MARCHF1: variants seen among roughly 807,000 people sequenced by gnomAD.
MARCHF1 encodes the protein membrane associated ring-CH-type finger 1, also known as E3 ubiquitin-protein ligase MARCHF1.
Under a neutral mutation model 54.2 loss-of-function variants are expected in MARCHF1, and 40 were observed. The observed-to-expected ratio is 0.74, with a 90% CI of 0.57 to 0.96. The LOEUF (loss-of-function observed/expected upper bound fraction) is 0.96, where lower values mean the gene tolerates loss of function less well. MARCHF1 is among the 40% of genes least tolerant of loss of function. The pLI is 0.00. For synonymous variants in MARCHF1, 236 were observed against 236.3 expected, an observed-to-expected ratio of 1.00 and a Z score of 0.01; for missense variants, 586 against 656.5, an observed-to-expected ratio of 0.89 and a Z score of 1.17.
At chr4:163,856,867 C>T (rs1749779895) in intron 3 of MARCHF1, among the ~76,000 whole-genome samples, 1 of 151,806 alleles carries the variant, frequency 6.6e-6, no homozygotes, top group Non-Finnish European at 1.5e-5. Flanking sequence ...AAAAAATTAG[C>T]CGGGCGTGGT....
chr4:164,094,410 G>A (rs1223533356), intron 2 of MARCHF1, among the ~76,000 whole-genome samples: 1 of 152,080 alleles, frequency 6.6e-6, no homozygotes, highest in Non-Finnish European at 1.5e-5. Context: ...GTGCAGCCAA[G>A]TTGGCCCAAA....
intron 2 of MARCHF1, among the ~76,000 whole-genome samples, chr4:164,034,495 CATT>C (rs1753952776): frequency 1.3e-5 from 2 of 152,104 alleles, no homozygotes; most frequent in South Asian, 4.1e-4. Context: ...GAAAATAAAT[CATT>C]ATGTCAAAAA....
chr4:163,606,886 G>C (rs1741162280), intron 7 of MARCHF1, among the ~76,000 whole-genome samples: 1 of 152,008 alleles, frequency 6.6e-6, no homozygotes. Context: ...CTCAAAGATG[G>C]GTATGTGACC....
chr4:164,239,676 T>C (rs1441762252), intron 1 of MARCHF1, among the ~76,000 whole-genome samples: 1 of 152,124 alleles, frequency 6.6e-6, no homozygotes, highest in African/African-American at 2.4e-5. Flanking sequence ...GATGGACCCA[T>C]CAACATTTCC....
intron 8 of MARCHF1, among the ~76,000 whole-genome samples, chr4:163,556,938 T>C (rs1467218522): frequency 6.6e-6 from 1 of 152,084 alleles, no homozygotes; most frequent in Non-Finnish European, 1.5e-5. Context: ...ATTTCTTAAA[T>C]TGTATACAAA....
At chr4:163,538,155 T>C (rs3797023) in intron 9 of MARCHF1, among the ~76,000 whole-genome samples, 62,611 of 151,992 alleles carry the variant, frequency 0.41, 14,244 homozygotes, top group Admixed American at 0.55. Flanking sequence ...GAAAACACTT[T>C]AGACAAAGAA....
At chr4:163,820,585 C>A (rs1579313211) in intron 4 of MARCHF1, among the ~76,000 whole-genome samples, 1 of 152,052 alleles carries the variant, frequency 6.6e-6, no homozygotes, top group East Asian at 1.9e-4. Context: ...CAAAAGCCAT[C>A]AGTTTTACTA....
chr4:163,920,170 T>C (rs1751393717), intron 3 of MARCHF1, among the ~76,000 whole-genome samples: 1 of 152,196 alleles, frequency 6.6e-6, no homozygotes, highest in South Asian at 2.1e-4. Context: ...TGGCCATTTA[T>C]GAAATGGTAA....
chr4:163,958,002 C>G (rs1752264970), intron 3 of MARCHF1, among the ~76,000 whole-genome samples: 3 of 152,008 alleles, frequency 2.0e-5, no homozygotes, highest in African/African-American at 7.2e-5. Flanking sequence ...AAAAACAGAG[C>G]CTTACAATAA....
At chr4:163,597,017 G>A (rs1192403966) in intron 7 of MARCHF1, among the ~76,000 whole-genome samples, 2 of 152,102 alleles carry the variant, frequency 1.3e-5, no homozygotes, top group African/African-American at 4.8e-5. Context: ...GTGCAGTGGT[G>A]CAATCTCGGC....
chr4:163,568,565 G>A (rs920041520), intron 8 of MARCHF1, among the ~76,000 whole-genome samples: 28 of 152,106 alleles, frequency 1.8e-4, no homozygotes, highest in African/African-American at 6.8e-4. Context: ...CCTATTAAAG[G>A]TGTCTGGAGA....
chr4:163,816,976 G>C (rs1222547385), intron 4 of MARCHF1, among the ~76,000 whole-genome samples: 1 of 151,948 alleles, frequency 6.6e-6, no homozygotes, highest in Non-Finnish European at 1.5e-5. Context: ...GCTTGGTGAA[G>C]GCCCACAGCC....
chr4:164,091,426 ATATG>A (rs1265341112), intron 2 of MARCHF1, among the ~76,000 whole-genome samples: 10 of 146,256 alleles, frequency 6.8e-5, no homozygotes, highest in East Asian at 4.2e-4. Flanking sequence ...ATATATATAT[ATATG>A]TATAAAATGA....
chr4:164,240,759 T>C (rs1010556124), intron 1 of MARCHF1, among the ~76,000 whole-genome samples: 6 of 152,238 alleles, frequency 3.9e-5, no homozygotes, highest in African/African-American at 1.2e-4. Flanking sequence ...GTTTACAGTT[T>C]AAACTTAAAG....
Position 163,889,919 on chromosome 4 carries a change from C to CTTTTT in MARCHF1, c.-38-35755_-38-35751dup, listed in dbSNP as rs146357456. 3.5e-4 allele frequency among the ~76,000 whole-genome samples: 41 copies of CTTTTT among 117,226 alleles called. 1 individual carries two copies. The highest frequency in any genetic ancestry group is 1.1e-3 in the East Asian group (3 of 2,640). The allele number at this position is 117,226 out of a possible 152,430, so 76.9% of individuals were successfully genotyped here. On this transcript the variant is annotated intron_variant, in intron 3 of 9. Transcript: ENST00000514618. ...ATGTTAAACTTCGTTTATTTATTTT[C>CTTTTT]TTTTTTCTTTTTTTTTTTTTTTTGA...
chr4:164,172,589 G>A (rs1443745701), intron 1 of MARCHF1, among the ~76,000 whole-genome samples: 1 of 152,058 alleles, frequency 6.6e-6, no homozygotes, highest in Non-Finnish European at 1.5e-5. Context: ...AAAAATCAAG[G>A]TAAAAATATA....
At chr4:164,312,200 C>T (rs1050268246) in intron 1 of MARCHF1, among the ~76,000 whole-genome samples, 1 of 152,012 alleles carries the variant, frequency 6.6e-6, no homozygotes, top group Non-Finnish European at 1.5e-5. Context: ...AACAGATATC[C>T]CAGAAGCTTC....
intron 1 of MARCHF1, among the ~76,000 whole-genome samples, chr4:164,172,440 A>C (rs1185884530): frequency 6.6e-6 from 1 of 152,086 alleles, no homozygotes; most frequent in Non-Finnish European, 1.5e-5. Context: ...CGATGTTATA[A>C]AATATTAAAT....
At chr4:164,080,051 A>G (rs1755063793) in intron 2 of MARCHF1, among the ~76,000 whole-genome samples, 1 of 152,164 alleles carries the variant, frequency 6.6e-6, no homozygotes, top group Non-Finnish European at 1.5e-5. Flanking sequence ...CAATGTGCCA[A>G]TTCTACACCT....
Sources: gnomAD v4.1 joint callset for allele counts (sites outside exome capture counted in the v4.1 genomes callset) on GRCh38, gnomAD v4.1.1 for gene constraint, MANE v1.5 for transcripts, NCBI Gene and HGNC (gene_info 2026-07-23, HGNC 2026-07-21) for gene names.